ACTG2: variants seen among roughly 807,000 people sequenced by gnomAD.
ACTG2 encodes the protein actin, gamma-enteric smooth muscle.
Under a neutral mutation model 37.6 loss-of-function variants are expected in ACTG2, and 16 were observed. The ratio of observed to expected loss-of-function variants is 0.43; its 90% CI spans 0.29 to 0.65. The LOEUF is 0.65. Ranked by LOEUF, ACTG2 falls within the 30% of genes least tolerant of loss-of-function variation. The pLI is 0.18. For synonymous variants in ACTG2, 181 were observed against 179.9 expected (o/e 1.01, Z -0.05); for missense variants, 238 against 490.9 (o/e 0.48, Z 4.87).
At chr2:73,893,938 C>A (rs1461450912) in intron 1 of ACTG2, among the ~76,000 whole-genome samples, 1 of 152,182 alleles carries the variant, frequency 6.6e-6, no homozygotes, top group Non-Finnish European at 1.5e-5. Context: ...GCAGTGCAGG[C>A]CTTGAAGGCA....
At chr2:73,903,363 A>T (rs1263032158) in intron 3 of ACTG2, among the ~76,000 whole-genome samples, 1 of 152,242 alleles carries the variant, frequency 6.6e-6, no homozygotes, top group African/African-American at 2.4e-5. Context: ...GAGTCACTCA[A>T]TGTGAGATAA....
rs1680278970 is a variant in ACTG2 at position 73,916,790 on chromosome 2, A to G, written c.987+25A>G. The G allele has an allele frequency of 3.1e-6, 5 of 1,607,176 alleles. No individual in the cohort carries two copies. In the East Asian group the frequency reaches 6.7e-5, roughly 22 times the overall value. ...GGTGGGTCTTGCCTCAGTTGTCTCCATCCTGTTCTTTGTATAAAGTCTTGC... is the reference window on the plus strand; with the variant it reads ...GGTGGGTCTTGCCTCAGTTGTCTCCGTCCTGTTCTTTGTATAAAGTCTTGC... On this transcript the variant is annotated intron_variant, in intron 8 of 8. Coordinates refer to ENST00000345517, the MANE Select transcript of ACTG2 (RefSeq NM_001615.4).
intron 1 of ACTG2, among the ~76,000 whole-genome samples, chr2:73,898,802 C>CTTTTTTTTTTTT (rs1165118275): frequency 5.5e-4 from 51 of 93,002 alleles, no homozygotes; most frequent in Non-Finnish European, 6.6e-4. Flanking sequence ...TTTTTTTTTT[C>CTTTTTTTTTTTT]TTTTTTTTTT....
chr2:73,913,455 T>G, intron 5 of ACTG2, 30 bp from the exon 6 acceptor site: 4 of 1,536,906 alleles, frequency 2.6e-6, no homozygotes, highest in Non-Finnish European at 3.5e-6. Flanking sequence ...AGAATGAGAA[T>G]TTTATAAGCC....
At chr2:73,902,092 G>C (rs1364348729) in intron 2 of ACTG2, among the ~76,000 whole-genome samples, 1 of 151,336 alleles carries the variant, frequency 6.6e-6, no homozygotes. Context: ...GGGAAGAAGT[G>C]TATGGGAGGG....
At chr2:73,908,889 C>A (rs746570126) in intron 4 of ACTG2, 106 bp downstream of exon 4, 2 of 1,226,630 alleles carry the variant, frequency 1.6e-6, no homozygotes, top group South Asian at 2.6e-5. Flanking sequence ...TCTCTGAGGA[C>A]CTGCTATGTC....
At chr2:73,918,527 A>C (rs1349323248) in intron 8 of ACTG2, among the ~76,000 whole-genome samples, 1 of 152,228 alleles carries the variant, frequency 6.6e-6, no homozygotes, top group Non-Finnish European at 1.5e-5. Context: ...CAACAAAAAA[A>C]ATCAATTTAT....
chr2:73,907,936 A>C (rs1366229198), intron 3 of ACTG2, among the ~76,000 whole-genome samples: 1 of 152,228 alleles, frequency 6.6e-6, no homozygotes, highest in Non-Finnish European at 1.5e-5. Context: ...AATTGAGCCC[A>C]AGTGCCTCTG....
At position 73,913,465 on chromosome 2, in the gene ACTG2, C is replaced by A; in HGVS notation, c.452-20C>A. ...AGGCAAGAATGAGAATTTTATAAGC[C>A]TGATCCTCTCTGTCCACAGGCATCG... On this transcript the variant is annotated intron_variant, in intron 5 of 8. Transcript: ENST00000345517. 1 of 1,572,342 alleles carries A rather than the reference C, an allele frequency of 6.4e-7. No individual in the cohort carries two copies. The highest frequency in any genetic ancestry group is 1.2e-5 in the South Asian group (1 of 86,848).
At chr2:73,899,508 C>T (rs1217272844) in intron 1 of ACTG2, among the ~76,000 whole-genome samples, 1 of 151,926 alleles carries the variant, frequency 6.6e-6, no homozygotes, top group Non-Finnish European at 1.5e-5. Context: ...ATTTTCTGTG[C>T]CTTTTGAGAT....
rs1384235355 is a variant in ACTG2 at position 73,919,829 on chromosome 2, C to G, written c.*254C>G. ...AAGTCAAGGACTTGCGAAGATCACACAGATTCCAGATTAAAATTCAAGTAT... is the reference window on the plus strand; with the variant it reads ...AAGTCAAGGACTTGCGAAGATCACAGAGATTCCAGATTAAAATTCAAGTAT... On this transcript the variant is annotated 3_prime_UTR_variant, in exon 9 of 9. Transcript: ENST00000345517. 6 of 314,488 alleles carry G rather than the reference C, an allele frequency of 1.9e-5. No individual in the cohort carries two copies. The highest frequency in any genetic ancestry group is 2.9e-5 in the Non-Finnish European group (5 of 173,428). 19.5% of individuals were successfully genotyped at this position (314,488 alleles called of 1,614,324 possible).
intron 3 of ACTG2, among the ~76,000 whole-genome samples, chr2:73,904,775 GTGTATATATATATATA>G (rs1322560298): frequency 2.4e-3 from 46 of 19,122 alleles, no homozygotes; most frequent in African/African-American, 2.4e-3. Flanking sequence ...GTGTGTGTGT[GTGTATATATATATATA>G]TATATATATA....
chr2:73,902,018 C>CGTGTGTGTGTGTGTGT (rs71245662), intron 2 of ACTG2, among the ~76,000 whole-genome samples: 2 of 146,342 alleles, frequency 1.4e-5, no homozygotes, highest in Admixed American at 6.8e-5. Context: ...GCATACAAGT[C>CGTGTGTGTGTGTGTGT]GTGTGTGTGT....
chr2:73,900,007 G>A (rs1165466115), intron 1 of ACTG2, among the ~76,000 whole-genome samples: 1 of 152,156 alleles, frequency 6.6e-6, no homozygotes, highest in East Asian at 1.9e-4. Context: ...CAGGCCTGTG[G>A]TGCTGTCTCC....
At position 73,901,694 on chromosome 2, in the gene ACTG2, C is replaced by G. The variant is rs1036311781; in HGVS notation, c.126+257C>G. The G allele has an allele frequency of 2.6e-5, 14 of 548,464 alleles. No individual in the cohort carries two copies. The African/African-American group carries it at 2.6e-4, about 10-fold the overall frequency. The allele number at this position is 548,464 out of a possible 1,614,324, so 34.0% of individuals were successfully genotyped here. On this transcript the variant is annotated intron_variant, in intron 2 of 8. Coordinates refer to ENST00000345517, the MANE Select transcript of ACTG2 (RefSeq NM_001615.4). ...AGCAGGACCCTTTAAATAGAAATAT[C>G]CAGGGCCAAAACCAACATACATCAG...
chr2:73,897,611 T>C (rs776261655), intron 1 of ACTG2, among the ~76,000 whole-genome samples: 1 of 152,226 alleles, frequency 6.6e-6, no homozygotes, highest in Non-Finnish European at 1.5e-5. Flanking sequence ...GACGGCAACA[T>C]TGTCATTCAA....
intron 1 of ACTG2, among the ~76,000 whole-genome samples, chr2:73,898,907 A>C (rs886902963): frequency 5.7e-5 from 8 of 141,348 alleles, no homozygotes; most frequent in Non-Finnish European, 1.0e-4. Context: ...GGTTCACGCC[A>C]TTCTCCTGCC....
chr2:73,914,856 C>T lies in ACTG2; in HGVS notation c.790C>T (p.Gln264Ter). The change falls in exon 7 of 9, where the codon CAG becomes TAG. Residue 264 changes from glutamine to a stop codon, truncating the protein, a stop_gained. Coordinates refer to ENST00000345517, the MANE Select transcript of ACTG2 (RefSeq NM_001615.4). LOFTEE classifies it high-confidence loss of function. ...ERFRCPETLF[Q>*]PSFIGMESAG... is the part of the protein sequence containing the mutation. The stretch of plus-strand genomic sequence containing the variant: ...CTTCCGCTGCCCTGAGACCCTCTTC[C>T]AGCCTTCCTTTATTGGTGAGGTGCT... The T allele has an allele frequency of 3.1e-6, 5 of 1,587,404 alleles. No homozygotes were observed. Among genetic ancestry groups the T allele is most frequent in the Non-Finnish European group, 3.4e-6 (4 of 1,162,060 alleles).
At chr2:73,915,932 T>C (rs1218119061) in intron 7 of ACTG2, among the ~76,000 whole-genome samples, 3 of 152,136 alleles carry the variant, frequency 2.0e-5, no homozygotes, top group East Asian at 1.9e-4. Context: ...GGGGTCTCTT[T>C]TGAAGGTATT....
Sources: allele counts gnomAD v4.1 joint callset (sites outside exome capture counted in the v4.1 genomes callset), GRCh38; gene constraint gnomAD v4.1.1; transcripts MANE v1.5; gene names NCBI Gene and HGNC (gene_info 2026-07-23, HGNC 2026-07-21).